The following XKR9 variants were observed in gnomAD, a reference collection of about 807,000 sequenced individuals.
XKR9 encodes XK related 9.
A neutral mutation model predicts 32.0 loss-of-function variants in XKR9; 32 were observed. The observed-to-expected ratio is 1.00, with a 90% CI of 0.76 to 1.34. The LOEUF is 1.34. Among genes scored for constraint, XKR9 ranks in the 40% most tolerant of loss-of-function variants. The pLI, the probability that XKR9 is intolerant of heterozygous loss-of-function variation, is 0.00. For missense variants in XKR9, 546 were observed against 429.7 expected, an observed-to-expected ratio of 1.27 and a Z score of -2.39; for synonymous variants, 168 against 143.4, an observed-to-expected ratio of 1.17 and a Z score of -1.22.
the XKR9 span, among the ~76,000 whole-genome samples, chr8:71,004,038 A>G: frequency 6.6e-6 from 1 of 152,204 alleles, no homozygotes; most frequent in Non-Finnish European, 1.5e-5. Context: ...ATTGCAAAAG[A>G]AACCAGGCAT....
the XKR9 span, among the ~76,000 whole-genome samples, chr8:70,876,094 A>G: frequency 3.1e-4 from 47 of 152,346 alleles, no homozygotes; most frequent in Non-Finnish European, 1.3e-4. Context: ...TATGAAATAA[A>G]GCATAACATA....
At chr8:70,892,862 A>G in the XKR9 span, among the ~76,000 whole-genome samples, 8 of 152,132 alleles carry the variant, frequency 5.3e-5, no homozygotes, top group Non-Finnish European at 1.2e-4. Flanking sequence ...AGATTCTTGG[A>G]TCTGGATGCC....
intron 3 of XKR9, among the ~76,000 whole-genome samples, chr8:70,686,535 C>T (rs1819286117): frequency 6.6e-6 from 1 of 152,062 alleles, no homozygotes; most frequent in Non-Finnish European, 1.5e-5. Flanking sequence ...CCTCCGCCTC[C>T]CAGGTTCAAG....
chr8:70,741,099 C>A (rs953386259), intron 2 of XKR9, among the ~76,000 whole-genome samples: 26 of 152,272 alleles, frequency 1.7e-4, no homozygotes, highest in Non-Finnish European at 3.4e-4. Context: ...AGGCAGGCCT[C>A]CTTGAGCTGT....
chr8:70,958,186 G>T, the XKR9 span, among the ~76,000 whole-genome samples: 3 of 152,174 alleles, frequency 2.0e-5, no homozygotes, highest in Non-Finnish European at 2.9e-5. Context: ...CTTTGTAATA[G>T]AATGATTTCT....
At chr8:70,895,835 A>AAAAG in the XKR9 span, among the ~76,000 whole-genome samples, 1 of 151,380 alleles carries the variant, frequency 6.6e-6, no homozygotes, top group Admixed American at 6.6e-5. Context: ...AAAAAAAAAA[A>AAAAG]AAAGAAAAAA....
chr8:70,967,513 T>G, the XKR9 span, among the ~76,000 whole-genome samples: 3 of 152,158 alleles, frequency 2.0e-5, no homozygotes, highest in African/African-American at 7.2e-5. Context: ...CTTGTTTATG[T>G]GGTTGCTTCA....
intron 1 of XKR9, among the ~76,000 whole-genome samples, chr8:70,672,483 T>C (rs908123175): frequency 2.6e-5 from 4 of 152,250 alleles, no homozygotes; most frequent in African/African-American, 4.8e-5. Flanking sequence ...CATTTGTTTG[T>C]TGATGGACTT....
In XKR9 at chr8:70,744,910, G is replaced by A. The variant is rs528339561; in HGVS notation, n.352+37757G>A. Among the ~76,000 whole-genome samples the A allele has an allele frequency of 4.0e-5, 6 of 150,232 alleles. 2 individuals are homozygous for A. The highest frequency in any genetic ancestry group is 1.5e-4 in the African/African-American group (6 of 41,038). ...CATGAGTTACCATGCCAGCCTGAATGATTTATTTGCCTATGATATAGTTTT... is the reference window on the plus strand; with the variant it reads ...CATGAGTTACCATGCCAGCCTGAATAATTTATTTGCCTATGATATAGTTTT... On this transcript the variant is annotated intron_variant and non_coding_transcript_variant, in intron 2 of 3. Transcript: ENST00000520273.
intron 3 of XKR9, among the ~76,000 whole-genome samples, chr8:70,687,114 C>T (rs1043495503): frequency 4.6e-5 from 7 of 152,166 alleles, no homozygotes; most frequent in East Asian, 3.9e-4. Context: ...CTCCCTGCTA[C>T]GCTTCCCAGG....
chr8:70,785,588 T>C (rs1241404226), intron 2 of XKR9, among the ~76,000 whole-genome samples: 1 of 150,746 alleles, frequency 6.6e-6, no homozygotes, highest in Non-Finnish European at 1.5e-5. Context: ...CTCTTTGAGG[T>C]AGAATGTTAA....
At chr8:70,908,249 C>A in the XKR9 span, among the ~76,000 whole-genome samples, 15 of 152,228 alleles carry the variant, frequency 9.9e-5, no homozygotes, top group Admixed American at 9.2e-4. Flanking sequence ...ATGTGAGGTA[C>A]TGAGTATACA....
chr8:70,678,879 T>G (rs968199381), intron 2 of XKR9, among the ~76,000 whole-genome samples: 5 of 152,242 alleles, frequency 3.3e-5, no homozygotes. Context: ...TAGTAAACAT[T>G]CACCTTGGTG....
At chr8:70,999,327 C>T in the XKR9 span, among the ~76,000 whole-genome samples, 2 of 152,152 alleles carry the variant, frequency 1.3e-5, no homozygotes, top group Non-Finnish European at 2.9e-5. Context: ...AATGAGCTAG[C>T]TCCTAGTCCA....
At chr8:70,842,858 G>A in the XKR9 span, among the ~76,000 whole-genome samples, 2 of 152,078 alleles carry the variant, frequency 1.3e-5, no homozygotes, top group African/African-American at 4.8e-5. Context: ...TTTCTCTCCA[G>A]CTCCAATATT....
At chr8:70,957,314 T>C in the XKR9 span, among the ~76,000 whole-genome samples, 1 of 152,210 alleles carries the variant, frequency 6.6e-6, no homozygotes, top group Admixed American at 6.5e-5. Flanking sequence ...AATACTATAA[T>C]TATTTACTTA....
chr8:70,741,528 A>G (rs754497922), intron 2 of XKR9, among the ~76,000 whole-genome samples: 6 of 152,254 alleles, frequency 3.9e-5, no homozygotes, highest in Non-Finnish European at 8.8e-5. Context: ...TTCGTTGAGC[A>G]TAATGTCTTT....
At chr8:70,796,264 C>A in the XKR9 span, among the ~76,000 whole-genome samples, 1 of 152,164 alleles carries the variant, frequency 6.6e-6, no homozygotes, top group Admixed American at 6.5e-5. Context: ...TCTCTTTGTT[C>A]ATATGTACCA....
intron 1 of XKR9, among the ~76,000 whole-genome samples, chr8:70,671,047 A>G (rs1818698739): frequency 6.6e-6 from 1 of 152,044 alleles, no homozygotes; most frequent in African/African-American, 2.4e-5. Flanking sequence ...TAACTTACTT[A>G]TTTACTTACA....
Sources: allele counts gnomAD v4.1 joint callset (sites outside exome capture counted in the v4.1 genomes callset), GRCh38; gene constraint gnomAD v4.1.1; transcripts MANE v1.5; gene names NCBI Gene and HGNC (gene_info 2026-07-23, HGNC 2026-07-21).